The following SCAP variants were observed in gnomAD, a reference collection of about 807,000 sequenced individuals.
The protein encoded by SCAP is sterol regulatory element-binding protein cleavage-activating protein.
SCAP carries 65 observed loss-of-function variants against 123.6 expected under a neutral mutation model. The ratio of observed to expected loss-of-function variants is 0.53; its 90% CI spans 0.43 to 0.65. SCAP has a LOEUF of 0.65. SCAP is among the 30% of genes least tolerant of loss of function. The pLI is 0.00. For missense variants in SCAP, 1,398 were observed against 1,712.5 expected (o/e 0.82, Z 3.24); for synonymous variants, 740 against 726.3 (o/e 1.02, Z -0.30).
chr3:47,434,137 G>C (rs1350515200), intron 3 of SCAP, among the ~76,000 whole-genome samples: 1 of 152,178 alleles, frequency 6.6e-6, no homozygotes, highest in Non-Finnish European at 1.5e-5. Context: ...CAGCCGCAGA[G>C]TCAAGTTCAT....
rs1706727031 is a variant in SCAP at position 47,439,775 on chromosome 3, C to CA, written c.122+3096dup. On this transcript the variant is annotated intron_variant, in intron 2 of 22. Transcript: ENST00000265565. The surrounding 1 kb of genome is among the most constrained non-coding windows in gnomAD (Gnocchi z 4.0). Reference sequence around the variant, plus strand: ...AAGAACAGTCACTGCACCCAGGGGCCAGGCAGGAAGAACAGCTAACTCTAG... The same window carrying CA: ...AAGAACAGTCACTGCACCCAGGGGCCAAGGCAGGAAGAACAGCTAACTCTAG... Among the ~76,000 whole-genome samples the CA allele has an allele frequency of 6.6e-6, 1 of 152,342 alleles. No homozygotes were observed. The highest frequency in any genetic ancestry group is 6.5e-5 in the Admixed American group (1 of 15,300).
chr3:47,472,408 T>C (rs1708060353), intron 1 of SCAP, among the ~76,000 whole-genome samples: 1 of 148,536 alleles, frequency 6.7e-6, no homozygotes, highest in African/African-American at 2.5e-5. Context: ...CAGTCCGCAG[T>C]CCGGCCTGGG....
chr3:47,467,702 T>C (rs752063295), intron 1 of SCAP, among the ~76,000 whole-genome samples: 2 of 152,252 alleles, frequency 1.3e-5, no homozygotes, highest in East Asian at 1.9e-4. Context: ...CAATATTCCT[T>C]AGAAAATACA....
At chr3:47,443,460 C>CA (rs958776020) in intron 1 of SCAP, among the ~76,000 whole-genome samples, 1 of 152,058 alleles carries the variant, frequency 6.6e-6, no homozygotes, top group African/African-American at 2.4e-5. Flanking sequence ...CATTCTTCCC[C>CA]CCCCTCCTCT....
intron 10 of SCAP, 37 bp from the exon 11 acceptor site, chr3:47,421,066 G>T: frequency 6.5e-7 from 1 of 1,541,116 alleles, no homozygotes; most frequent in Non-Finnish European, 9.0e-7. Context: ...GGGGTGCCGT[G>T]ACCTCACTGT....
Position 47,417,317 on chromosome 3 carries a change from C to A in SCAP, c.2957G>T (p.Ser986Ile), listed in dbSNP as rs1443165914. The A allele has an allele frequency of 2.5e-6, 4 of 1,612,238 alleles. No homozygotes were observed. The highest frequency in any genetic ancestry group is 1.7e-6 in the Non-Finnish European group (2 of 1,179,730). Residue 986 changes from serine (S) to isoleucine (I), a missense_variant, in exon 17 of 23, where the codon AGC becomes ATC. Physicochemically the swap from Ser to Ile is moderately radical, Grantham distance 142. Around this residue, in one of 7 missense-constraint regions of SCAP, gnomAD observed 828 missense variants for 882.5 expected, o/e 0.94. Coordinates refer to ENST00000265565, the MANE Select transcript of SCAP (RefSeq NM_012235.4). Reference sequence around the variant, plus strand: ...CCCTCTGCCCACCTCCAGCCGGCCGCTGCTCCGCCCCACCACGATGAGGTT... The same window carrying A: ...CCCTCTGCCCACCTCCAGCCGGCCGATGCTCCGCCCCACCACGATGAGGTT... ...QGNLIVVGRS[S>I]GRLEVWDAIE...
In SCAP at chr3:47,417,545, T is replaced by C. The variant is rs1281997957; in HGVS notation, c.2729A>G (p.Tyr910Cys). ...CCGCTGCACCAGGCAGCTGAAGTCA[T>C]AGCCTGGGGAGTCCCGAGAGCGGCC... ...VCGRSRDSPGYDFSCLVQRVY... is the reference protein window; with the variant it reads ...VCGRSRDSPGCDFSCLVQRVY... The change falls in exon 17 of 23, where the codon TAT becomes TGT. Residue 910 changes from tyrosine to cysteine, a missense_variant. By Grantham distance (194) the Tyr-to-Cys change is radical. This residue lies in a region of SCAP where 828 missense variants were observed against 882.5 expected (regional missense o/e 0.94). Transcript: ENST00000265565. 3.8e-6 allele frequency: 6 copies of C among 1,572,936 alleles called. No homozygotes were observed. Among genetic ancestry groups the C allele is most frequent in the Non-Finnish European group, 8.6e-7 (1 of 1,160,014 alleles).
chr3:47,441,874 C>CTTTTTT (rs1160447716), intron 2 of SCAP, among the ~76,000 whole-genome samples: 88 of 76,260 alleles, frequency 1.2e-3, no homozygotes, highest in Admixed American at 1.6e-3. Context: ...GTTCATCTTT[C>CTTTTTT]TTTTTTTTTT....
chr3:47,474,903 A>G (rs889185197), intron 1 of SCAP, among the ~76,000 whole-genome samples: 4 of 152,250 alleles, frequency 2.6e-5, no homozygotes, highest in Non-Finnish European at 5.9e-5. Flanking sequence ...TAAAAGCGTC[A>G]GTCTTTTGCT....
At position 47,422,362 on chromosome 3, in the gene SCAP, CA is replaced by C. The variant is rs1705940060; in HGVS notation, c.1245+79del. On this transcript the variant is annotated intron_variant, in intron 10 of 22. Transcript: ENST00000265565. ...AGGATGCCTGTGCTGAAGAGGGGAG[CA>C]CCCTGCCCATGGCTGCACAGCTGGG... 6 of 1,268,098 alleles carry C rather than the reference CA, an allele frequency of 4.7e-6. No homozygotes were observed. In the Admixed American group the frequency reaches 1.1e-4, roughly 24 times the overall value. The allele number at this position is 1,268,098 out of a possible 1,614,324, so 78.6% of individuals were successfully genotyped here. A position where few individuals can be genotyped will look rare whatever the true frequency, so the allele number is the denominator to read the frequency against.
At position 47,425,466 on chromosome 3, in the gene SCAP, G is replaced by A. The variant is rs772820492; in HGVS notation, c.1037+19C>T. On this transcript the variant is annotated intron_variant, in intron 8 of 22. Transcript: ENST00000265565. Reference sequence around the variant, plus strand: ...CCTGAGCCCACCCTGTGGCCCAGTGGAGCCTGCTAGGGACCTACCCGCCAT... The same window carrying A: ...CCTGAGCCCACCCTGTGGCCCAGTGAAGCCTGCTAGGGACCTACCCGCCAT... 5.6e-6 allele frequency: 9 copies of A among 1,611,844 alleles called. No homozygotes were observed. The South Asian group carries it at 8.8e-5, about 16-fold the overall frequency.
At chr3:47,469,901 C>G (rs1015930187) in intron 1 of SCAP, 2 of 510,028 alleles carry the variant, frequency 3.9e-6, no homozygotes, top group East Asian at 1.1e-4. Context: ...CACAGATTCA[C>G]TGAATCCTTG....
At chr3:47,476,626 G>T (rs1246606165), upstream of SCAP, among the ~76,000 whole-genome samples, 1 of 152,174 alleles carries the variant, frequency 6.6e-6, no homozygotes, top group Non-Finnish European at 1.5e-5. Flanking sequence ...CAACAGCTAC[G>T]TTCACTGTTT....
intron 2 of SCAP, among the ~76,000 whole-genome samples, chr3:47,441,147 G>A (rs571744339): frequency 5.3e-5 from 8 of 152,082 alleles, no homozygotes; most frequent in East Asian, 3.9e-4. Context: ...TGATCTGCCC[G>A]CCTCGGCCTC....
At position 47,417,154 on chromosome 3, in the gene SCAP, TGAG is replaced by T. The variant is rs762278129; in HGVS notation, c.3021_3023del (p.Ser1008del). The stretch of plus-strand genomic sequence containing the variant: ...CCAAGAACACCAGAGCGGTAATGCC[TGAG>T]GAGACCTCCTCGCTGCTGCAGCACA... On this transcript the variant is annotated inframe_deletion, in exon 18 of 23. Transcript: ENST00000265565. 6.8e-6 allele frequency: 11 copies of T among 1,613,092 alleles called. No homozygotes were observed. The highest frequency in any genetic ancestry group is 2.7e-5 in the African/African-American group (2 of 75,062).
intron 2 of SCAP, among the ~76,000 whole-genome samples, chr3:47,437,321 C>A (rs1194764406): frequency 6.6e-6 from 1 of 151,380 alleles, no homozygotes; most frequent in Non-Finnish European, 1.5e-5. Context: ...TGCCTGTAAT[C>A]CCAGCTACTC....
At chr3:47,470,997 G>C (rs184811646) in intron 1 of SCAP, among the ~76,000 whole-genome samples, 8 of 152,238 alleles carry the variant, frequency 5.3e-5, no homozygotes, top group Admixed American at 5.2e-4. Context: ...AAAGGATATA[G>C]ATGAAACAAG....
chr3:47,416,398 G>A (rs917160052), intron 18 of SCAP, among the ~76,000 whole-genome samples: 23 of 152,204 alleles, frequency 1.5e-4, no homozygotes, highest in Admixed American at 1.1e-3. Context: ...AGCTGCCAGC[G>A]GCCAAGGAGA....
chr3:47,470,234 A>C (rs1707980368), intron 1 of SCAP, among the ~76,000 whole-genome samples: 1 of 152,212 alleles, frequency 6.6e-6, no homozygotes, highest in East Asian at 1.9e-4. Flanking sequence ...ACCATCATAC[A>C]TTTAGGCCAA....
Sources: allele counts gnomAD v4.1 joint callset (sites outside exome capture counted in the v4.1 genomes callset), GRCh38; gene constraint gnomAD v4.1.1; regional missense constraint gnomAD v4.1.1; non-coding constraint Gnocchi (gnomAD v3.1); transcripts MANE v1.5; gene names NCBI Gene and HGNC (gene_info 2026-07-23, HGNC 2026-07-21).